AGPAT5: variants seen among roughly 807,000 people sequenced by gnomAD.
The protein encoded by AGPAT5 is 1-acyl-sn-glycerol-3-phosphate acyltransferase epsilon.
A neutral mutation model predicts 45.6 loss-of-function variants in AGPAT5; 46 were observed. The ratio of observed to expected loss-of-function variants is 1.01; its 90% confidence interval spans 0.80 to 1.29. The LOEUF (loss-of-function observed/expected upper bound fraction) is 1.29. Ranked by LOEUF, AGPAT5 falls within the 50% of genes most tolerant of loss-of-function variation. The pLI is 0.00. For missense variants in AGPAT5, 673 were observed against 450.7 expected (o/e 1.49, Z -4.47); for synonymous variants, 272 against 167.0 (o/e 1.63, Z -4.85).
In AGPAT5 at chr8:6,757,499, T is replaced by C; in HGVS notation, c.*111T>C. The C allele has an allele frequency of 1.6e-5, 13 of 824,268 alleles. No individual in the cohort carries two copies. The highest frequency in any genetic ancestry group is 2.5e-5 in the Non-Finnish European group (13 of 516,276). 51.1% of individuals were successfully genotyped at this position (824,268 alleles called of 1,614,324 possible). ...ATTAAGGAGTGTAAATAAAGCCTTGTTGATTGAAGATTGGATAATAGAATT... is the reference window on the plus strand; with the variant it reads ...ATTAAGGAGTGTAAATAAAGCCTTGCTGATTGAAGATTGGATAATAGAATT... On this transcript the variant is annotated 3_prime_UTR_variant, in exon 8 of 8. Coordinates refer to ENST00000285518, the MANE Select transcript of AGPAT5 (RefSeq NM_018361.5).
chr8:6,737,278 A>T (rs1801087105), intron 4 of AGPAT5, among the ~76,000 whole-genome samples: 1 of 152,208 alleles, frequency 6.6e-6, no homozygotes, highest in South Asian at 2.1e-4. Context: ...GTGAGAGCGG[A>T]TACATCTTGC....
chr8:6,734,948 T>C (rs1336973598), intron 4 of AGPAT5, among the ~76,000 whole-genome samples: 1 of 152,182 alleles, frequency 6.6e-6, no homozygotes, highest in African/African-American at 2.4e-5. Context: ...ACATAGCACC[T>C]TGGAGTGGCT....
At position 6,741,757 on chromosome 8, in the gene AGPAT5, T is replaced by C. The variant is rs1364346370; in HGVS notation, c.586+6T>C. ...GGCATTTGCTGCCCAACGTGGTAAGTAAAAATTTGAGTGTTTGAACAAATA... is the reference window on the plus strand; with the variant it reads ...GGCATTTGCTGCCCAACGTGGTAAGCAAAAATTTGAGTGTTTGAACAAATA... On this transcript the variant is annotated splice_donor_region_variant and intron_variant, in intron 5 of 7. Transcript: ENST00000285518. The C allele has an allele frequency of 1.2e-6, 2 of 1,603,382 alleles. No homozygotes were observed. The highest frequency in any genetic ancestry group is 1.7e-6 in the Non-Finnish European group (2 of 1,172,328).
At chr8:6,747,922 C>G in intron 6 of AGPAT5, 94 bp downstream of exon 6, 1 of 1,323,804 alleles carries the variant, frequency 7.6e-7, no homozygotes, top group Admixed American at 2.6e-5. Context: ...GTTAAGTGTA[C>G]TTTTTTCCTT....
At chr8:6,712,163 G>C (rs1800176553) in intron 1 of AGPAT5, among the ~76,000 whole-genome samples, 2 of 152,232 alleles carry the variant, frequency 1.3e-5, no homozygotes, top group African/African-American at 4.8e-5. Flanking sequence ...TTCTTTAACA[G>C]AGAACCTGGT....
At chr8:6,739,513 C>A (rs957189945) in intron 4 of AGPAT5, among the ~76,000 whole-genome samples, 1 of 151,890 alleles carries the variant, frequency 6.6e-6, no homozygotes, top group East Asian at 1.9e-4. Flanking sequence ...CAGATATATC[C>A]CTAAGAATTT....
At chr8:6,713,028 T>C (rs938713030) in intron 1 of AGPAT5, among the ~76,000 whole-genome samples, 1 of 152,246 alleles carries the variant, frequency 6.6e-6, no homozygotes, top group African/African-American at 2.4e-5. Context: ...GGTCTTCTTC[T>C]GTCACCCAGG....
chr8:6,747,601 T>G, intron 5 of AGPAT5, 69 bp from the exon 6 acceptor site: 5 of 1,364,946 alleles, frequency 3.7e-6, no homozygotes, highest in Non-Finnish European at 5.0e-6. Flanking sequence ...AAAAATAATT[T>G]AGATGTTAAA....
intron 4 of AGPAT5, among the ~76,000 whole-genome samples, chr8:6,735,733 A>G (rs1000439488): frequency 6.6e-6 from 1 of 152,184 alleles, no homozygotes; most frequent in Non-Finnish European, 1.5e-5. Flanking sequence ...AGCATTCTAC[A>G]TACTTAATGG....
At chr8:6,721,168 G>A (rs112552416) in intron 1 of AGPAT5, among the ~76,000 whole-genome samples, 1 of 152,148 alleles carries the variant, frequency 6.6e-6, no homozygotes, top group African/African-American at 2.4e-5. Context: ...CGTTTTAAAC[G>A]GGGTAGAAAA....
At chr8:6,740,389 GTA>G (rs1801207764) in intron 4 of AGPAT5, among the ~76,000 whole-genome samples, 1 of 151,180 alleles carries the variant, frequency 6.6e-6, no homozygotes, top group Non-Finnish European at 1.5e-5. Context: ...AAGGAATTTT[GTA>G]TGTTTTTCCT....
At chr8:6,721,768 G>C (rs1194776464) in intron 1 of AGPAT5, among the ~76,000 whole-genome samples, 6 of 152,204 alleles carry the variant, frequency 3.9e-5, no homozygotes, top group Admixed American at 3.9e-4. Flanking sequence ...TGAATTAAGA[G>C]ACTGATTAAC....
chr8:6,713,085 TG>T (rs1800205877), intron 1 of AGPAT5, among the ~76,000 whole-genome samples: 1 of 152,178 alleles, frequency 6.6e-6, no homozygotes, highest in African/African-American at 2.4e-5. Flanking sequence ...CTTGAATGCC[TG>T]GGTTCAAGTG....
chr8:6,747,754 C>G lies in AGPAT5; in HGVS notation c.671C>G (p.Ala224Gly), dbSNP rs375803469. 4.3e-6 allele frequency: 7 copies of G among 1,614,016 alleles called. No individual in the cohort carries two copies. The highest frequency in any genetic ancestry group is 5.9e-6 in the Non-Finnish European group (7 of 1,180,020). The change falls in exon 6 of 8, where the codon GCA (alanine) becomes GGA (glycine). Residue 224 changes from alanine (A) to glycine (G), a missense_variant. Transcript: ENST00000285518. ...GATTGCATGAAGAATTATTTAGATG[C>G]AATTTATGATGTTACGGTGGTTTAT... is the stretch of plus-strand genomic sequence containing the variant. Reference protein sequence around the residue: ...AFDCMKNYLDAIYDVTVVYEG... With the variant: ...AFDCMKNYLDGIYDVTVVYEG...
At chr8:6,740,584 A>G (rs546361739) in intron 4 of AGPAT5, among the ~76,000 whole-genome samples, 1 of 151,620 alleles carries the variant, frequency 6.6e-6, no homozygotes, top group Non-Finnish European at 1.5e-5. Context: ...GGTTCTGAAG[A>G]CTATTATATG....
chr8:6,744,937 T>A (rs1222157899), intron 5 of AGPAT5, among the ~76,000 whole-genome samples: 1 of 152,240 alleles, frequency 6.6e-6, no homozygotes, highest in Non-Finnish European at 1.5e-5. Context: ...GACTGCCTTC[T>A]GCAGCCAAGC....
chr8:6,744,656 G>A (rs1350114624), intron 5 of AGPAT5, among the ~76,000 whole-genome samples: 2 of 152,192 alleles, frequency 1.3e-5, no homozygotes, highest in African/African-American at 4.8e-5. Context: ...ATCTGGAAAT[G>A]GCACTGGCTC....
chr8:6,713,142 A>G (rs954290820), intron 1 of AGPAT5, among the ~76,000 whole-genome samples: 49 of 152,220 alleles, frequency 3.2e-4, no homozygotes, highest in African/African-American at 1.2e-3. Flanking sequence ...CTAATTTTTA[A>G]AAGTTTTTGT....
chr8:6,732,748 C>A, intron 4 of AGPAT5, 98 bp downstream of exon 4: 1 of 1,102,860 alleles, frequency 9.1e-7, no homozygotes. Flanking sequence ...ATGTATTTTC[C>A]CATGTGTAAT....
Sources: allele counts gnomAD v4.1 joint callset (sites outside exome capture counted in the v4.1 genomes callset), GRCh38; gene constraint gnomAD v4.1.1; transcripts MANE v1.5; gene names NCBI Gene and HGNC (gene_info 2026-07-23, HGNC 2026-07-21).